KCNA2: variants seen among roughly 807,000 people sequenced by gnomAD.
KCNA2 encodes potassium voltage-gated channel subfamily A member 2, also known as potassium channel, voltage gated shaker related subfamily A, member 2.
In KCNA2, 11 loss-of-function variants were observed where a neutral mutation model predicts 33.4. The ratio of observed to expected loss-of-function variants is 0.33; its 90% confidence interval spans 0.21 to 0.55. The LOEUF (loss-of-function observed/expected upper bound fraction) is 0.55, where lower values mean the gene tolerates loss of function less well. Ranked by LOEUF, KCNA2 falls within the 20% of genes least tolerant of loss-of-function variation. The pLI, the probability that KCNA2 is intolerant of heterozygous loss-of-function variation, is 0.93. For missense variants in KCNA2, 291 were observed against 621.6 expected, an observed-to-expected ratio of 0.47 and a Z score of 5.66; for synonymous variants, 222 against 231.3, an observed-to-expected ratio of 0.96 and a Z score of 0.37.
rs115367861 is a variant in KCNA2 at position 110,628,373 on chromosome 1, G to A, written c.-496+3022C>T. On this transcript the variant is annotated intron_variant, in intron 1 of 4. Transcript: ENST00000369770. Reference sequence around the variant, plus strand: ...TTCTTCCATGATCGCCCTCTGAAACGCCATTCATCTTGTTAGGTTCACTGT... The same window carrying A: ...TTCTTCCATGATCGCCCTCTGAAACACCATTCATCTTGTTAGGTTCACTGT... Among the ~76,000 whole-genome samples, 1,336 of 152,256 alleles carry A rather than the reference G, an allele frequency of 8.8e-3. 19 individuals are homozygous for A. The highest frequency in any genetic ancestry group is 0.031 in the African/African-American group (1,273 of 41,542).
upstream of KCNA2, chr1:110,606,518 G>A (rs1570755982): frequency 6.6e-6 from 1 of 152,276 alleles, no homozygotes; most frequent in Non-Finnish European, 1.5e-5. Flanking sequence ...GCTCCGGCCG[G>A]GATTCCGTTC....
rs1217981137 is a variant in KCNA2 at position 110,602,583 on chromosome 1, C to T, written c.*700G>A. On this transcript the variant is annotated 3_prime_UTR_variant, in exon 3 of 3. Transcript: ENST00000316361. ...GAGGTCTGTTGGTTTGTTAGCTTCT[C>T]CCCATAGGCCTAAGGGAACAAATGT... 6 of 1,024,452 alleles carry T rather than the reference C, an allele frequency of 5.9e-6. No homozygotes were observed. In the Admixed American group the frequency reaches 2.1e-4, roughly 36 times the overall value. The allele number at this position is 1,024,452 out of a possible 1,614,324, so 63.5% of individuals were successfully genotyped here.
chr1:110,626,501 G>C (rs1481737013), intron 1 of KCNA2, among the ~76,000 whole-genome samples: 2 of 151,890 alleles, frequency 1.3e-5, no homozygotes, highest in Non-Finnish European at 2.9e-5. Context: ...GGAATGGAGT[G>C]GACAGGGCGG....
chr1:110,613,296 C>T (rs1178622472), intron 1 of KCNA2, among the ~76,000 whole-genome samples: 1 of 152,214 alleles, frequency 6.6e-6, no homozygotes, highest in Non-Finnish European at 1.5e-5. Flanking sequence ...CACACCAGGT[C>T]CTGAGGGGCC....
chr1:110,629,410 C>T (rs1036049069), intron 1 of KCNA2, among the ~76,000 whole-genome samples: 56 of 152,068 alleles, frequency 3.7e-4, no homozygotes, highest in African/African-American at 1.3e-3. Flanking sequence ...GACCTATGTC[C>T]CTGACACAAC....
chr1:110,613,403 G>T (rs1649946035), intron 1 of KCNA2, among the ~76,000 whole-genome samples: 1 of 152,240 alleles, frequency 6.6e-6, no homozygotes, highest in East Asian at 1.9e-4. Context: ...GCTCCAGGCT[G>T]GGCACAAAGA....
chr1:110,598,351 C>T lies in KCNA2; in HGVS notation c.*4932G>A. The T allele has an allele frequency of 1.0e-6, 1 of 982,578 alleles. No homozygotes were observed. Among genetic ancestry groups the T allele is most frequent in the Non-Finnish European group, 1.2e-6 (1 of 827,394 alleles). 60.9% of individuals were successfully genotyped at this position (982,578 alleles called of 1,614,324 possible). On this transcript the variant is annotated 3_prime_UTR_variant, in exon 3 of 3. Coordinates refer to ENST00000316361, the MANE Select transcript of KCNA2 (RefSeq NM_004974.4). ...CCTGCCTGACATAGGGGTAGTGGTG[C>T]CACCTTCATATGCAATTTGCACACT... is the stretch of plus-strand genomic sequence containing the variant.
In KCNA2 at chr1:110,596,010, C is replaced by T. The variant is rs180741410; in HGVS notation, c.*7273G>A. ...TGAGGTTATAGCCAACCAGGGCAGACAGAAGAAAGGCTAAAGCACCTGGCT... is the reference window on the plus strand; with the variant it reads ...TGAGGTTATAGCCAACCAGGGCAGATAGAAGAAAGGCTAAAGCACCTGGCT... On this transcript the variant is annotated 3_prime_UTR_variant, in exon 3 of 3. Transcript: ENST00000316361. The T allele has an allele frequency of 1.0e-6, 1 of 985,430 alleles. No individual in the cohort carries two copies. The highest frequency in any genetic ancestry group is 1.2e-6 in the Non-Finnish European group (1 of 829,932). 61.0% of individuals were successfully genotyped at this position (985,430 alleles called of 1,614,324 possible).
Position 110,598,108 on chromosome 1 carries a change from G to A in KCNA2, c.*5175C>T. The A allele has an allele frequency of 1.0e-6, 1 of 974,436 alleles. No homozygotes were observed. The highest frequency in any genetic ancestry group is 1.2e-6 in the Non-Finnish European group (1 of 819,944). The allele number at this position is 974,436 out of a possible 1,614,324, so 60.4% of individuals were successfully genotyped here. A position where few individuals can be genotyped will look rare whatever the true frequency, so the allele number is the denominator to read the frequency against. Reference sequence around the variant, plus strand: ...TGACTGATGATGTTAATGAGGTTAAGGTCATGAGTTCAAACCCGGCAATGG... The same window carrying A: ...TGACTGATGATGTTAATGAGGTTAAAGTCATGAGTTCAAACCCGGCAATGG... On this transcript the variant is annotated 3_prime_UTR_variant, in exon 3 of 3. Coordinates refer to ENST00000316361, the MANE Select transcript of KCNA2 (RefSeq NM_004974.4).
Position 110,603,529 on chromosome 1 carries a change from G to A in KCNA2, c.1254C>T (p.His418=), listed in dbSNP as rs775615530. The change falls in exon 3 of 3, where the codon CAC becomes CAT. Residue 418 remains histidine, a synonymous_variant. Transcript: ENST00000316361. This position sits in a 1 kb window ranked among gnomAD's most constrained non-coding sequence, Gnocchi z 5.7. ...VIVSNFNYFY[H]RETEGEEQAQ... The stretch of plus-strand genomic sequence containing the variant: ...CCTGTTCCTCTCCCTCTGTCTCCCG[G>A]TGGTAGAAGTAGTTGAAATTGGACA... The A allele has an allele frequency of 1.2e-5, 20 of 1,613,962 alleles. No individual in the cohort carries two copies. In the East Asian group the frequency reaches 4.0e-4, roughly 32 times the overall value.
rs1649520263 is a variant in KCNA2 at position 110,604,695 on chromosome 1, C to T, written c.88G>A (p.Glu30Lys). The change falls in exon 3 of 3, where the codon GAG (glutamate) becomes AAG (lysine). Residue 30 changes from glutamate (E) to lysine (K), a missense_variant. Glu to Lys is a moderately conservative substitution (Grantham distance 56). Around this residue, in one of 5 missense-constraint regions of KCNA2, gnomAD observed 163 missense variants for 273.5 expected, o/e 0.60. Coordinates refer to ENST00000316361, the MANE Select transcript of KCNA2 (RefSeq NM_004974.4). This position sits in a 1 kb window ranked among gnomAD's most constrained non-coding sequence, Gnocchi z 7.6. Reference sequence around the variant, plus strand: ...TTGATCACCACCCTCTCACAGCACTCGTGGTCTGCCTCTGGGTCATAGGTG... The same window carrying T: ...TTGATCACCACCCTCTCACAGCACTTGTGGTCTGCCTCTGGGTCATAGGTG... ...QDTYDPEADH[E>K]CCERVVINIS... The T allele has an allele frequency of 1.2e-6, 2 of 1,614,066 alleles. No individual in the cohort carries two copies. Among genetic ancestry groups the T allele is most frequent in the Non-Finnish European group, 1.7e-6 (2 of 1,180,040 alleles).
At chr1:110,622,045 C>T (rs1234872564) in intron 1 of KCNA2, among the ~76,000 whole-genome samples, 2 of 152,002 alleles carry the variant, frequency 1.3e-5, no homozygotes, top group African/African-American at 4.8e-5. Context: ...AAAAACATCA[C>T]CAGTAAAGAA....
Position 110,601,017 on chromosome 1 carries a change from C to T in KCNA2, c.*2266G>A, listed in dbSNP as rs77207710. Reference sequence around the variant, plus strand: ...TACTCCGTCAAAAGGCAAAGACGCCCAGTCTGGTGAGTTAAAAGCCCCCTA... The same window carrying T: ...TACTCCGTCAAAAGGCAAAGACGCCTAGTCTGGTGAGTTAAAAGCCCCCTA... On this transcript the variant is annotated 3_prime_UTR_variant, in exon 3 of 3. Transcript: ENST00000316361. The T allele has an allele frequency of 8.7e-3, 8,602 of 985,568 alleles. 54 individuals carry two copies. The highest frequency in any genetic ancestry group is 0.016 in the Admixed American group (255 of 16,292). The allele number at this position is 985,568 out of a possible 1,614,324, so 61.1% of individuals were successfully genotyped here.
In KCNA2 at chr1:110,598,758, AGAG is replaced by A; in HGVS notation, c.*4522_*4524del. The A allele has an allele frequency of 1.0e-5, 10 of 985,388 alleles. No individual in the cohort carries two copies. The highest frequency in any genetic ancestry group is 1.1e-5 in the Non-Finnish European group (9 of 829,932). 61.0% of individuals were successfully genotyped at this position (985,388 alleles called of 1,614,324 possible). A position where few individuals can be genotyped will look rare whatever the true frequency, so the allele number is the denominator to read the frequency against. ...ACAGGTGAGAGGGACAGAGGCAAGCAGAGAAGAAGGAAGAGAGCATGTCAAATA... is the reference window on the plus strand; with the variant it reads ...ACAGGTGAGAGGGACAGAGGCAAGCAAAGAAGGAAGAGAGCATGTCAAATA... On this transcript the variant is annotated 3_prime_UTR_variant, in exon 3 of 3. Coordinates refer to ENST00000316361, the MANE Select transcript of KCNA2 (RefSeq NM_004974.4).
intron 1 of KCNA2, among the ~76,000 whole-genome samples, chr1:110,620,708 G>T (rs1650233227): frequency 6.6e-6 from 1 of 152,068 alleles, no homozygotes; most frequent in Admixed American, 6.6e-5. Flanking sequence ...GGTCATCTAG[G>T]TGCTCCTGTC....
rs1234243545 is a variant in KCNA2 at position 110,594,319 on chromosome 1, ATATG to A, written c.*8960_*8963del. 5 of 915,980 alleles carry A rather than the reference ATATG, an allele frequency of 5.5e-6. No individual in the cohort carries two copies. The African/African-American group carries it at 5.6e-5, about 10-fold the overall frequency. 56.7% of individuals were successfully genotyped at this position (915,980 alleles called of 1,614,324 possible). On this transcript the variant is annotated 3_prime_UTR_variant, in exon 3 of 3. Coordinates refer to ENST00000316361, the MANE Select transcript of KCNA2 (RefSeq NM_004974.4). ...TATATATATATATACATATATATAT[ATATG>A]TGTGTGTATATATATATACACACAC...
At chr1:110,618,044 GAGA>G (rs1650124826) in intron 1 of KCNA2, among the ~76,000 whole-genome samples, 2 of 152,170 alleles carry the variant, frequency 1.3e-5, no homozygotes, top group African/African-American at 4.8e-5. Context: ...TAGATGGAGT[GAGA>G]AGAGCAGAGA....
At chr1:110,625,206 A>C (rs567865811) in intron 1 of KCNA2, among the ~76,000 whole-genome samples, 1 of 152,334 alleles carries the variant, frequency 6.6e-6, no homozygotes, top group South Asian at 2.1e-4. Context: ...ATTATTTGTA[A>C]TGGGTAGGGA....
At position 110,596,438 on chromosome 1, in the gene KCNA2, T is replaced by C. The variant is rs756646404; in HGVS notation, c.*6845A>G. The C allele has an allele frequency of 2.0e-5, 4 of 198,450 alleles. No homozygotes were observed. The highest frequency in any genetic ancestry group is 2.7e-5 in the Non-Finnish European group (3 of 110,514). 12.3% of individuals were successfully genotyped at this position (198,450 alleles called of 1,614,324 possible). A position where few individuals can be genotyped will look rare whatever the true frequency, so the allele number is the denominator to read the frequency against. On this transcript the variant is annotated 3_prime_UTR_variant, in exon 3 of 3. Coordinates refer to ENST00000316361, the MANE Select transcript of KCNA2 (RefSeq NM_004974.4). Reference sequence around the variant, plus strand: ...CTCGATTGACAAGAATTATGTTTTCTTACTATCCTTTCAGTAGAAAGAGGC... The same window carrying C: ...CTCGATTGACAAGAATTATGTTTTCCTACTATCCTTTCAGTAGAAAGAGGC...
Sources: gnomAD v4.1 joint callset for allele counts (sites outside exome capture counted in the v4.1 genomes callset) on GRCh38, gnomAD v4.1.1 for gene constraint, gnomAD v4.1.1 regional missense constraint, Gnocchi (gnomAD v3.1) non-coding constraint, MANE v1.5 for transcripts, NCBI Gene and HGNC (gene_info 2026-07-23, HGNC 2026-07-21) for gene names.